Variants in TMEM216 observed in about 807,000 individuals in gnomAD.
The protein encoded by TMEM216 is transmembrane protein 216.
A neutral mutation model predicts 17.8 loss-of-function variants in TMEM216; 15 were observed. The observed-to-expected ratio is 0.84, with a 90% CI of 0.56 to 1.30. The LOEUF (loss-of-function observed/expected upper bound fraction) is 1.30, where lower values mean the gene tolerates loss of function less well. Ranked by LOEUF, TMEM216 falls within the 50% of genes most tolerant of loss-of-function variation. The pLI is 0.00. For missense variants in TMEM216, 160 were observed against 175.7 expected (o/e 0.91, Z 0.51); for synonymous variants, 58 against 73.5 (o/e 0.79, Z 1.08).
chr11:61,398,000 T>G (rs376214748), intron 4 of TMEM216, 25 bp downstream of exon 4: 11 of 1,611,890 alleles, frequency 6.8e-6, no homozygotes, highest in Non-Finnish European at 9.3e-6. Context: ...GGACCATTTC[T>G]CATCACTAGA....
rs1446869438 is a variant in TMEM216 at position 61,393,243 on chromosome 11, C to T, written c.47C>T (p.Ser16Phe). The change falls in exon 2 of 5, where the codon TCC (serine) becomes TTC (phenylalanine). Residue 16 changes from serine to phenylalanine, a missense_variant. By Grantham distance (155) the Ser-to-Phe change is radical (BLOSUM62 -2). Coordinates refer to ENST00000515837, the MANE Select transcript of TMEM216 (RefSeq NM_001173990.3). ...LKMAPRGKRLSSTPLEILFFL... is the reference protein window; with the variant it reads ...LKMAPRGKRLFSTPLEILFFL... Reference sequence around the variant, plus strand: ...GCTCCTTTTTCAGGTAAACGGTTGTCCTCCACCCCGCTGGAAATCCTGTTC... The same window carrying T: ...GCTCCTTTTTCAGGTAAACGGTTGTTCTCCACCCCGCTGGAAATCCTGTTC... The T allele has an allele frequency of 3.3e-6, 5 of 1,535,708 alleles. No individual in the cohort carries two copies. The highest frequency in any genetic ancestry group is 4.4e-6 in the Non-Finnish European group (5 of 1,146,714).
At chr11:61,394,298 C>T (rs1858749534) in intron 3 of TMEM216, 1 of 342,336 alleles carries the variant, frequency 2.9e-6, no homozygotes, top group Non-Finnish European at 5.6e-6. Context: ...CACGTCAGGG[C>T]AGGCAGTGTA....
intron 3 of TMEM216, 174 bp downstream of exon 3, chr11:61,394,150 C>G (rs1439110307): frequency 8.3e-6 from 5 of 599,382 alleles, no homozygotes; most frequent in Non-Finnish European, 9.0e-6. Context: ...TCAAGATTTA[C>G]CTGTTTGTTG....
chr11:61,397,996 T>G lies in TMEM216; in HGVS notation c.431+21T>G, dbSNP rs775281611. ...TCCAGGTACTGCTGCTGAGGGACCATTTCTCATCACTAGAGGGTTGGGTTC... is the reference window on the plus strand; with the variant it reads ...TCCAGGTACTGCTGCTGAGGGACCAGTTCTCATCACTAGAGGGTTGGGTTC... On this transcript the variant is annotated intron_variant, in intron 4 of 4. Transcript: ENST00000515837. 3 of 1,612,356 alleles carry G rather than the reference T, an allele frequency of 1.9e-6. No individual in the cohort carries two copies. The South Asian group carries it at 3.3e-5, about 18-fold the overall frequency.
At position 61,397,720 on chromosome 11, in the gene TMEM216, T is replaced by C. The variant is rs888041871; in HGVS notation, c.230-54T>C. On this transcript the variant is annotated intron_variant, in intron 3 of 4. Transcript: ENST00000515837. ...CATCACATCTCCCACGCCTTTCCCC[T>C]GGGCCAGGAAAAGCAGACCATTTGG... The C allele has an allele frequency of 3.9e-6, 6 of 1,550,822 alleles. No individual in the cohort carries two copies. In the Admixed American group the frequency reaches 8.4e-5, roughly 22 times the overall value.
At chr11:61,393,143 T>C in intron 1 of TMEM216, 88 bp from the exon 2 acceptor site, 2 of 975,640 alleles carry the variant, frequency 2.0e-6, no homozygotes, top group Non-Finnish European at 2.9e-6. Flanking sequence ...TTGCAGCGTC[T>C]AGTTTCCCCA....
intron 2 of TMEM216, 102 bp downstream of exon 2, chr11:61,393,434 T>TGCAGTTCTTTGTCGCTGCAAG: frequency 1.2e-6 from 1 of 817,406 alleles, no homozygotes; most frequent in Admixed American, 2.2e-5. Context: ...TTCTGCCCCC[T>TGCAGTTCTTTGTCGCTGCAAG]GCAGTTCTTT....
intron 3 of TMEM216, among the ~76,000 whole-genome samples, chr11:61,394,704 T>C (rs1165538447): frequency 1.4e-5 from 2 of 145,648 alleles, no homozygotes; most frequent in East Asian, 2.0e-4. Flanking sequence ...TCTCACTCTG[T>C]CACCTGGGCT....
intron 3 of TMEM216, 100 bp from the exon 4 acceptor site, chr11:61,397,674 A>G (rs770812900): frequency 1.0e-5 from 11 of 1,101,152 alleles, no homozygotes; most frequent in Non-Finnish European, 1.5e-5. Context: ...ACTCAGGATT[A>G]TTTTTTGTGC....
At chr11:61,394,025 A>G (rs747307002) in intron 3 of TMEM216, 49 bp downstream of exon 3, 15 of 1,536,648 alleles carry the variant, frequency 9.8e-6, no homozygotes, top group Non-Finnish European at 1.2e-5. Flanking sequence ...ACAAGCTGGT[A>G]TCTGTAACTT....
At chr11:61,397,589 A>G in intron 3 of TMEM216, 185 bp from the exon 4 acceptor site, 1 of 522,598 alleles carries the variant, frequency 1.9e-6, no homozygotes, top group Non-Finnish European at 3.4e-6. Context: ...GGATTAAGTG[A>G]CTTTAATCTT....
At chr11:61,396,486 A>G (rs189085549) in intron 3 of TMEM216, among the ~76,000 whole-genome samples, 4 of 140,630 alleles carry the variant, frequency 2.8e-5, no homozygotes, top group African/African-American at 1.3e-4. Flanking sequence ...TCAAAAAATT[A>G]AAAAAAATTA....
chr11:61,397,511 A>T (rs1413211605), intron 3 of TMEM216, among the ~76,000 whole-genome samples: 1 of 152,104 alleles, frequency 6.6e-6, no homozygotes, highest in Non-Finnish European at 1.5e-5. Flanking sequence ...ATAATTAAAA[A>T]TTTTGTTTTT....
intron 3 of TMEM216, among the ~76,000 whole-genome samples, chr11:61,396,292 C>T (rs1858796735): frequency 6.6e-6 from 1 of 151,228 alleles, no homozygotes; most frequent in Non-Finnish European, 1.5e-5. Flanking sequence ...CATCCTGGCC[C>T]ACATGATGAA....
At chr11:61,396,626 CTACTAAAAAA>C (rs1470544462) in intron 3 of TMEM216, among the ~76,000 whole-genome samples, 2 of 150,988 alleles carry the variant, frequency 1.3e-5, no homozygotes, top group East Asian at 4.0e-4. Context: ...AATCCTGTCT[CTACTAAAAAA>C]TACGAAAATC....
intron 3 of TMEM216, chr11:61,394,194 A>G (rs1021573638): frequency 4.8e-5 from 25 of 521,948 alleles, no homozygotes; most frequent in African/African-American, 4.6e-4. Flanking sequence ...ATAGAATGGG[A>G]TATTAGATGA....
At chr11:61,397,405 G>T (rs1016982279) in intron 3 of TMEM216, among the ~76,000 whole-genome samples, 9 of 152,086 alleles carry the variant, frequency 5.9e-5, no homozygotes, top group African/African-American at 2.2e-4. Context: ...CTGACCTTGT[G>T]ATCCACCTGC....
At chr11:61,396,956 C>T (rs1474424569) in intron 3 of TMEM216, among the ~76,000 whole-genome samples, 2 of 150,928 alleles carry the variant, frequency 1.3e-5, no homozygotes, top group Admixed American at 6.6e-5. Flanking sequence ...ATTAAGGTAG[C>T]TATGTGTGTG....
rs10897158 is a variant in TMEM216, at chr11:61,398,269, G to C, written c.432-1G>C. On this transcript the variant is annotated splice_acceptor_variant, in intron 4 of 4. Coordinates refer to ENST00000515837, the MANE Select transcript of TMEM216 (RefSeq NM_001173990.3). LOFTEE classifies it high-confidence loss of function. ...CTTTCTTTCTGCCATCGTATGGACA[G>C]GATTTGAAGTACAGAATTTCAGCCA... is the stretch of plus-strand genomic sequence containing the variant. 0.83 allele frequency: 1,330,873 copies of C among 1,607,904 alleles called. 560,838 individuals carry two copies. The highest frequency in any genetic ancestry group is 0.97 in the East Asian group (43,548 of 44,832).
Sources: gnomAD v4.1 joint callset for allele counts (sites outside exome capture counted in the v4.1 genomes callset) on GRCh38, gnomAD v4.1.1 for gene constraint, MANE v1.5 for transcripts, NCBI Gene and HGNC (gene_info 2026-07-23, HGNC 2026-07-21) for gene names.